MYO9B: variants seen among roughly 807,000 people sequenced by gnomAD.
MYO9B encodes the protein myosin IXB.
MYO9B carries 71 observed loss-of-function variants against 229.5 expected under a neutral mutation model. The ratio of observed to expected loss-of-function variants is 0.31; its 90% CI spans 0.26 to 0.38. The LOEUF (loss-of-function observed/expected upper bound fraction) is 0.38. Ranked by LOEUF, MYO9B falls within the 10% of genes least tolerant of loss-of-function variation. The probability of loss-of-function intolerance (pLI) is 1.00; values close to 1 mark genes in which losing one functional copy is unlikely to be tolerated. For missense variants in MYO9B, 2,255 were observed against 2,920.5 expected, an observed-to-expected ratio of 0.77 and a Z score of 5.25; for synonymous variants, 1,185 against 1,235.8, an observed-to-expected ratio of 0.96 and a Z score of 0.86.
intron 7 of MYO9B, among the ~76,000 whole-genome samples, chr19:17,158,455 C>T (rs917192711): frequency 6.6e-6 from 1 of 151,998 alleles, no homozygotes; most frequent in African/African-American, 2.4e-5. Context: ...ATTAACTGGG[C>T]ATGGTGGCAG....
chr19:17,137,179 G>T (rs1342991494), intron 2 of MYO9B, among the ~76,000 whole-genome samples: 1 of 147,184 alleles, frequency 6.8e-6, no homozygotes, highest in Non-Finnish European at 1.5e-5. Context: ...AGTGAGCCAA[G>T]ATTGTGCCAT....
At chr19:17,094,560 G>A (rs2057670555) in intron 1 of MYO9B, among the ~76,000 whole-genome samples, 1 of 152,146 alleles carries the variant, frequency 6.6e-6, no homozygotes, top group South Asian at 2.1e-4. Flanking sequence ...GCATTTTCTA[G>A]AATGTTATAT....
chr19:17,168,519 G>A (rs1027192630), intron 11 of MYO9B, among the ~76,000 whole-genome samples: 8 of 152,188 alleles, frequency 5.3e-5, no homozygotes, highest in African/African-American at 1.4e-4. Flanking sequence ...ACCCAAGCTC[G>A]TGTGTGCAAA....
intron 17 of MYO9B, 117 bp downstream of exon 17, chr19:17,185,104 G>A (rs1396969871): frequency 2.5e-5 from 37 of 1,452,246 alleles, no homozygotes; most frequent in Non-Finnish European, 3.2e-5. Flanking sequence ...GGCCGGGCGC[G>A]GTGGCTCAAG....
Position 17,105,349 on chromosome 19 carries a change from G to A in MYO9B, c.840+2792G>A, listed in dbSNP as rs754754499. 2.1e-4 allele frequency among the ~76,000 whole-genome samples: 29 copies of A among 140,030 alleles called. 1 individual carries two copies. Among genetic ancestry groups the A allele is most frequent in the Non-Finnish European group, 3.4e-4 (22 of 64,566 alleles). 91.9% of individuals were successfully genotyped at this position (140,030 alleles called of 152,430 possible). Reference sequence around the variant, plus strand: ...AAAAAAAAAAAAAAAAAAAAAATTAGCCAGGTGTGGTGGTGTTTGCCTGTG... The same window carrying A: ...AAAAAAAAAAAAAAAAAAAAAATTAACCAGGTGTGGTGGTGTTTGCCTGTG... On this transcript the variant is annotated intron_variant, in intron 2 of 39. Transcript: ENST00000682292.
chr19:17,127,365 C>T (rs1354439572), intron 2 of MYO9B, among the ~76,000 whole-genome samples: 3 of 150,258 alleles, frequency 2.0e-5, no homozygotes, highest in South Asian at 2.1e-4. Flanking sequence ...CTTGCCCTGT[C>T]GCCCAGGCTG....
Position 17,172,912 on chromosome 19 carries a change from G to A in MYO9B, c.2089G>A (p.Val697Met), listed in dbSNP as rs536977695. Residue 697 changes from valine to methionine, a missense_variant, in exon 13 of 40, where the codon GTG becomes ATG. Physicochemically the swap from Val to Met is conservative, Grantham distance 21. Around this residue, in one of 7 missense-constraint regions of MYO9B, gnomAD observed 155 missense variants for 159.1 expected, o/e 0.97. Transcript: ENST00000682292. The surrounding 1 kb of genome is among the most constrained non-coding windows in gnomAD (Gnocchi z 8.2). Reference sequence around the variant, plus strand: ...CCGGGCTGCTATCCGGGCCATGGCAGTGCTTCGGGAGGCCGGACGCCTGCG... The same window carrying A: ...CCGGGCTGCTATCCGGGCCATGGCAATGCTTCGGGAGGCCGGACGCCTGCG... ...VLRAAIRAMA[V>M]LREAGRLRAE... The A allele has an allele frequency of 1.9e-6, 3 of 1,600,976 alleles. No homozygotes were observed. The highest frequency in any genetic ancestry group is 2.5e-6 in the Non-Finnish European group (3 of 1,179,692).
chr19:17,130,897 C>T (rs1568265433), intron 2 of MYO9B, among the ~76,000 whole-genome samples: 1 of 152,152 alleles, frequency 6.6e-6, no homozygotes, highest in Admixed American at 6.6e-5. Context: ...CCCATCTGTG[C>T]ACTTCTTTAT....
At chr19:17,116,069 T>C (rs1262848251) in intron 2 of MYO9B, among the ~76,000 whole-genome samples, 2 of 152,128 alleles carry the variant, frequency 1.3e-5, no homozygotes, top group African/African-American at 4.8e-5. Flanking sequence ...ATTTGGGACC[T>C]GGCTAGGCTG....
chr19:17,091,416 G>C (rs781454934), intron 1 of MYO9B, among the ~76,000 whole-genome samples: 1 of 152,146 alleles, frequency 6.6e-6, no homozygotes, highest in Non-Finnish European at 1.5e-5. Flanking sequence ...TATAGAGATG[G>C]CGTCTTGTGG....
At chr19:17,145,609 T>C (rs2145236095) in intron 3 of MYO9B, 118 bp downstream of exon 3, 2 of 903,144 alleles carry the variant, frequency 2.2e-6, no homozygotes, top group Non-Finnish European at 3.6e-6. Flanking sequence ...ATGCTTTGTA[T>C]GGGAGAGCGA....
In MYO9B at chr19:17,195,601, G is replaced by T. The variant is rs1025314692; in HGVS notation, c.4046+128G>T. On this transcript the variant is annotated intron_variant, in intron 22 of 39. Coordinates refer to ENST00000682292, the MANE Select transcript of MYO9B (RefSeq NM_004145.4). The surrounding 1 kb of genome is among the most constrained non-coding windows in gnomAD (Gnocchi z 4.5). ...CAGTGGGTGTGCGGGAGGCCTGAGG[G>T]AGGAGGACGAGCAGGACATGCTAAA... 2 of 1,210,280 alleles carry T rather than the reference G, an allele frequency of 1.7e-6. No individual in the cohort carries two copies. The highest frequency in any genetic ancestry group is 2.3e-5 in the Admixed American group (1 of 44,014). 75.0% of individuals were successfully genotyped at this position (1,210,280 alleles called of 1,614,324 possible).
At position 17,212,346 on chromosome 19, in the gene MYO9B, G is replaced by A. The variant is rs770252449; in HGVS notation, c.*36G>A. Reference sequence around the variant, plus strand: ...TGACAAAGTCTGCATGTCCGAGGACGGCCCCTGCACTGGAGCTGGGCGCCA... The same window carrying A: ...TGACAAAGTCTGCATGTCCGAGGACAGCCCCTGCACTGGAGCTGGGCGCCA... On this transcript the variant is annotated 3_prime_UTR_variant, in exon 40 of 40. Coordinates refer to ENST00000682292, the MANE Select transcript of MYO9B (RefSeq NM_004145.4). This position sits in a 1 kb window ranked among gnomAD's most constrained non-coding sequence, Gnocchi z 5.4. 1.2e-5 allele frequency: 18 copies of A among 1,441,378 alleles called. No individual in the cohort carries two copies. Among genetic ancestry groups the A allele is most frequent in the South Asian group, 4.4e-5 (3 of 68,264 alleles). The allele number at this position is 1,441,378 out of a possible 1,614,324, so 89.3% of individuals were successfully genotyped here. A position where few individuals can be genotyped will look rare whatever the true frequency, so the allele number is the denominator to read the frequency against.
rs199695802 is a variant in MYO9B at position 17,211,769 on chromosome 19, C to G, written c.6053C>G (p.Ser2018Trp). ...LLEERAGRGASEGPPAPALPC... is the reference protein window; with the variant it reads ...LLEERAGRGAWEGPPAPALPC... ...GAGGAGCGGGCCGGGCGGGGGGCCT[C>G]GGAAGGTCAGTATTAAGGTAGCGTC... The change falls in exon 39 of 40, where the codon TCG (serine) becomes TGG (tryptophan). Residue 2018 changes from serine (S) to tryptophan (W), a missense_variant. By Grantham distance (177) the Ser-to-Trp change is radical. This residue lies in a region of MYO9B where 331 missense variants were observed against 332.5 expected (regional missense o/e 1.00). Transcript: ENST00000682292. The G allele has an allele frequency of 3.1e-6, 5 of 1,612,880 alleles. No individual in the cohort carries two copies. The highest frequency in any genetic ancestry group is 4.2e-6 in the Non-Finnish European group (5 of 1,179,720).
chr19:17,160,060 C>G (rs540078342), intron 8 of MYO9B, among the ~76,000 whole-genome samples: 1 of 152,308 alleles, frequency 6.6e-6, no homozygotes, highest in African/African-American at 2.4e-5. Context: ...TTGCCCCAGC[C>G]TGGATGTTTT....
At chr19:17,141,383 T>A (rs1232504779) in intron 2 of MYO9B, among the ~76,000 whole-genome samples, 1 of 152,134 alleles carries the variant, frequency 6.6e-6, no homozygotes, top group African/African-American at 2.4e-5. Context: ...TGCCAAACTT[T>A]CCACGTGTGA....
At chr19:17,091,607 A>C (rs1265582896) in intron 1 of MYO9B, among the ~76,000 whole-genome samples, 2 of 152,160 alleles carry the variant, frequency 1.3e-5, no homozygotes, top group Non-Finnish European at 2.9e-5. Flanking sequence ...GTCAGCCCAG[A>C]GCTGTGGGTG....
chr19:17,186,272 G>A (rs1294470284), intron 18 of MYO9B, among the ~76,000 whole-genome samples: 1 of 152,172 alleles, frequency 6.6e-6, no homozygotes, highest in Non-Finnish European at 1.5e-5. Context: ...CCAAAGAGTA[G>A]CCGGTGCAAG....
At chr19:17,198,373 C>A in intron 24 of MYO9B, 65 bp downstream of exon 24, 1 of 1,598,666 alleles carries the variant, frequency 6.3e-7, no homozygotes. Context: ...GCCAGGGCCT[C>A]GCAGCAGTGT....
Sources: gnomAD v4.1 joint callset for allele counts (sites outside exome capture counted in the v4.1 genomes callset) on GRCh38, gnomAD v4.1.1 for gene constraint, gnomAD v4.1.1 regional missense constraint, Gnocchi (gnomAD v3.1) non-coding constraint, MANE v1.5 for transcripts, NCBI Gene and HGNC (gene_info 2026-07-23, HGNC 2026-07-21) for gene names.